CACNA1F: variants seen among roughly 807,000 people sequenced by gnomAD.
CACNA1F encodes voltage-dependent L-type calcium channel subunit alpha-1F.
A neutral mutation model predicts 143.8 loss-of-function variants in CACNA1F; 59 were observed. The ratio of observed to expected loss-of-function variants is 0.41; its 90% confidence interval spans 0.33 to 0.51. The LOEUF is 0.51. CACNA1F is among the 20% of genes least tolerant of loss of function. The pLI, the probability that CACNA1F is intolerant of heterozygous loss-of-function variation, is 0.22. For missense variants in CACNA1F, 1,411 were observed against 1,647.5 expected, an observed-to-expected ratio of 0.86 and a Z score of 2.48; for synonymous variants, 643 against 649.1, an observed-to-expected ratio of 0.99 and a Z score of 0.14.
chrX:49,231,275 A>G lies in CACNA1F; in HGVS notation c.308T>C (p.Phe103Ser). The G allele has an allele frequency of 8.6e-7, 1 of 1,166,571 alleles. No individual in the cohort carries two copies. The highest frequency in any genetic ancestry group is 1.8e-5 in the African/African-American group (1 of 56,269). Residue 103 changes from phenylalanine to serine, a missense_variant, in exon 3 of 48, where the codon TTT becomes TCT. Coordinates refer to ENST00000323022, the MANE Select transcript of CACNA1F (RefSeq NM_001256789.3). Reference protein sequence around the residue: ...PFDILILLTIFANCVALGVYI... With the variant: ...PFDILILLTISANCVALGVYI... ...AACTCCCAGGGCCACGCAGTTGGCA[A>G]AGATGGTCAGCAGGATGAGGATGTC...
At chrX:49,217,085 A>G (rs1164618180) in intron 26 of CACNA1F, among the ~76,000 whole-genome samples, 2 of 111,059 alleles carry the variant, frequency 1.8e-5, no homozygotes, top group Non-Finnish European at 3.8e-5. Context: ...CATCTTCCCG[A>G]GTAGCTGGGA....
Position 49,218,947 on chromosome X carries a change from G to T in CACNA1F, c.2674-6C>A. On this transcript the variant is annotated splice_polypyrimidine_tract_variant and splice_region_variant and intron_variant, in intron 21 of 47. Transcript: ENST00000323022. ...TAATCGAAGTAACCCAGAATCTGGG[G>T]TGTGAGAAAGAGCGGGGAGCCACTG... is the stretch of plus-strand genomic sequence containing the variant. The T allele has an allele frequency of 8.4e-7, 1 of 1,196,699 alleles. No individual in the cohort carries two copies. Among genetic ancestry groups the T allele is most frequent in the Non-Finnish European group, 1.1e-6 (1 of 882,645 alleles).
chrX:49,224,890 T>C lies in CACNA1F; in HGVS notation c.1748A>G (p.Asn583Ser), dbSNP rs2065808702. The C allele has an allele frequency of 8.3e-7, 1 of 1,205,346 alleles. No individual in the cohort carries two copies. Among genetic ancestry groups the C allele is most frequent in the African/African-American group, 1.8e-5 (1 of 56,725 alleles). Residue 583 changes from asparagine to serine, a missense_variant, in exon 14 of 48, where the codon AAC (asparagine) becomes AGC (serine). Around this residue, in one of 3 missense-constraint regions of CACNA1F, gnomAD observed 950 missense variants for 1,128.1 expected, o/e 0.84. Coordinates refer to ENST00000323022, the MANE Select transcript of CACNA1F (RefSeq NM_001256789.3). Reference sequence around the variant, plus strand: ...ACAGACCACAAAGCAGTCAAAGCGGTTGAAGAAGGAAGACACATAGGCAGA... The same window carrying C: ...ACAGACCACAAAGCAGTCAAAGCGGCTGAAGAAGGAAGACACATAGGCAGA... Reference protein sequence around the residue: ...GPSAYVSSFFNRFDCFVVCGG... With the variant: ...GPSAYVSSFFSRFDCFVVCGG...
chrX:49,231,070 G>A lies in CACNA1F; in HGVS notation c.382-81C>T, dbSNP rs781807026. On this transcript the variant is annotated intron_variant, in intron 3 of 47. Coordinates refer to ENST00000323022, the MANE Select transcript of CACNA1F (RefSeq NM_001256789.3). ...GTTTGACGGGGGCGTGGGGAGCATA[G>A]TCAGGACCGAGGGTGGGGCTGAGCC... 120 of 875,306 alleles carry A rather than the reference G, an allele frequency of 1.4e-4. No homozygotes were observed. The African/African-American group carries it at 2.1e-3, about 16-fold the overall frequency. 72.1% of individuals were successfully genotyped at this position (875,306 alleles called of 1,213,427 possible).
At chrX:49,206,392 C>CAAA (rs1168190548) in intron 46 of CACNA1F, 119 bp downstream of exon 46, 2,988 of 161,960 alleles carry the variant, frequency 0.018, 52 homozygotes, top group African/African-American at 0.056. Flanking sequence ...AACTCTGTCT[C>CAAA]AAAAAAAAAA....
At chrX:49,205,592 T>G (rs782618967) in intron 47 of CACNA1F, 24 bp downstream of exon 47, 4 of 1,186,870 alleles carry the variant, frequency 3.4e-6, no homozygotes, top group Admixed American at 2.3e-5. Flanking sequence ...CCATCCGTCT[T>G]GTCTATATGC....
Position 49,218,510 on chromosome X carries a change from C to A in CACNA1F, c.2873G>T (p.Arg958Leu), listed in dbSNP as rs782194677. 6 of 1,173,729 alleles carry A rather than the reference C, an allele frequency of 5.1e-6. No homozygotes were observed. In the Admixed American group the frequency reaches 9.8e-5, roughly 19 times the overall value. The change falls in exon 24 of 48, where the codon CGA becomes CTA. Residue 958 changes from arginine to leucine, a missense_variant. Arg to Leu is a moderately radical substitution (Grantham distance 102). Transcript: ENST00000323022. The stretch of plus-strand genomic sequence containing the variant: ...GAGGGGCCGCAGTACTCGGAGTACT[C>A]GCAGAATCTTCACCACCGAGATGGC... ...SSAISVVKIL[R>L]VLRVLRPLRA... is the part of the protein sequence containing the mutation.
chrX:49,215,015 A>T (rs950613941), intron 29 of CACNA1F, 71 bp downstream of exon 29: 1 of 1,010,451 alleles, frequency 9.9e-7, no homozygotes, highest in Non-Finnish European at 1.4e-6. Flanking sequence ...AATGTTCCCA[A>T]TGGTTCCCAA....
chrX:49,216,582 A>G (rs1453337798), intron 26 of CACNA1F, 54 bp from the exon 27 acceptor site: 2 of 1,103,851 alleles, frequency 1.8e-6, no homozygotes, highest in African/African-American at 3.6e-5. Context: ...AACTGGGGAA[A>G]GGGTCTGGGG....
At chrX:49,219,846 C>T in intron 19 of CACNA1F, 56 bp from the exon 20 acceptor site, 7 of 714,234 alleles carry the variant, frequency 9.8e-6, no homozygotes, top group Non-Finnish European at 1.5e-5. Context: ...GTAAAGCACC[C>T]AGAACAGTGT....
intron 45 of CACNA1F, 33 bp from the exon 46 acceptor site, chrX:49,206,656 C>T (rs2065599736): frequency 4.1e-6 from 5 of 1,209,253 alleles, no homozygotes; most frequent in Non-Finnish European, 5.6e-6. Context: ...GGGCAAATAG[C>T]AATGTCAGTG....
chrX:49,229,192 G>A (rs1213223557), intron 6 of CACNA1F, among the ~76,000 whole-genome samples: 1 of 111,585 alleles, frequency 9.0e-6, no homozygotes, highest in Non-Finnish European at 1.9e-5. Flanking sequence ...CTGTCGCCCA[G>A]GCTGGAGCGC....
rs782382625 is a variant in CACNA1F, at chrX:49,215,248, C to T, written c.3439-4G>A. ...GGGCATATTCCACACATTGACGCTG[C>T]ATACCAGGGCAGGGCATGAGTGAGC... On this transcript the variant is annotated splice_polypyrimidine_tract_variant and splice_region_variant and intron_variant, in intron 28 of 47. Coordinates refer to ENST00000323022, the MANE Select transcript of CACNA1F (RefSeq NM_001256789.3). The T allele has an allele frequency of 8.3e-7, 1 of 1,210,453 alleles. No homozygotes were observed. Among genetic ancestry groups the T allele is most frequent in the Non-Finnish European group, 1.1e-6 (1 of 895,027 alleles).
At chrX:49,225,866 G>GA in intron 13 of CACNA1F, 43 bp downstream of exon 13, 1 of 1,154,005 alleles carries the variant, frequency 8.7e-7, no homozygotes, top group East Asian at 3.3e-5. Context: ...GGGGTAGAAG[G>GA]AATAGGAGGC....
chrX:49,212,129 C>G, intron 34 of CACNA1F, 114 bp downstream of exon 34: 1 of 779,180 alleles, frequency 1.3e-6, no homozygotes, highest in Non-Finnish European at 1.9e-6. Flanking sequence ...GTAGATTGAC[C>G]CAGGGCCGTC....
Position 49,222,596 on chromosome X carries a change from C to A in CACNA1F, c.2214G>T (p.Leu738=). 1.7e-6 allele frequency: 2 copies of A among 1,210,946 alleles called. No individual in the cohort carries two copies. The highest frequency in any genetic ancestry group is 2.2e-6 in the Non-Finnish European group (2 of 894,963). Reference sequence around the variant, plus strand: ...CAGCAATGGCAAGAAACACGTTCAACAGGATGTCTGGGATGAGCTTAGGCT... The same window carrying A: ...CAGCAATGGCAAGAAACACGTTCAAAAGGATGTCTGGGATGAGCTTAGGCT... ...IILFICGNYI[L]LNVFLAIAVD... The change falls in exon 17 of 48, where the codon CTG becomes CTT. Residue 738 remains leucine (L), a synonymous_variant. Coordinates refer to ENST00000323022, the MANE Select transcript of CACNA1F (RefSeq NM_001256789.3).
Position 49,220,473 on chromosome X carries a change from C to T in CACNA1F, c.2386G>A (p.Asp796Asn). 8.3e-7 allele frequency: 1 copy of T among 1,207,405 alleles called. No individual in the cohort carries two copies. Among genetic ancestry groups the T allele is most frequent in the Non-Finnish European group, 1.1e-6 (1 of 892,286 alleles). Reference protein sequence around the residue: ...EEEGARREGADMEEEEEEEEE... With the variant: ...EEEGARREGANMEEEEEEEEE... The stretch of plus-strand genomic sequence containing the variant: ...GCTCCACCTGGCCCTGCCCACTTGC[C>T]TGCTCCTTCCCTCCTTGCACCCTCC... The change falls in exon 19 of 48, where the codon GAC becomes AAC. Residue 796 changes from aspartate (D) to asparagine (N), a missense_variant and splice_region_variant. Physicochemically the swap from Asp to Asn is conservative, Grantham distance 23. This residue lies in a region of CACNA1F where 950 missense variants were observed against 1,128.1 expected (regional missense o/e 0.84). Coordinates refer to ENST00000323022, the MANE Select transcript of CACNA1F (RefSeq NM_001256789.3).
Position 49,224,952 on chromosome X carries a change from C to T in CACNA1F, c.1686G>A (p.Thr562=), listed in dbSNP as rs782527288. 8.3e-7 allele frequency: 1 copy of T among 1,202,819 alleles called. No homozygotes were observed. The highest frequency in any genetic ancestry group is 1.1e-6 in the Non-Finnish European group (1 of 888,584). The part of the protein sequence containing the change: ...YANKVLLCLF[T]VEMLLKLYGL... The stretch of plus-strand genomic sequence containing the variant: ...CGTACAATTTGAGAAGCATCTCCAC[C>T]GTGAACAGACAGAGCAACACTTTGT... Residue 562 remains threonine, a synonymous_variant, in exon 14 of 48, where the codon ACG becomes ACA. Transcript: ENST00000323022.
intron 1 of CACNA1F, 123 bp from the exon 2 acceptor site, chrX:49,232,050 G>C: frequency 1.5e-6 from 1 of 687,464 alleles, no homozygotes; most frequent in Non-Finnish European, 2.1e-6. Context: ...GGGAGAACTG[G>C]GAGTAGCTGG....
Sources: allele counts gnomAD v4.1 joint callset (sites outside exome capture counted in the v4.1 genomes callset), GRCh38; gene constraint gnomAD v4.1.1; regional missense constraint gnomAD v4.1.1; transcripts MANE v1.5; gene names NCBI Gene and HGNC (gene_info 2026-07-23, HGNC 2026-07-21).